The following MGAT4C variants were observed in gnomAD, a reference collection of about 807,000 sequenced individuals.
The protein encoded by MGAT4C is MGAT4 family member C.
A neutral mutation model predicts 40.1 loss-of-function variants in MGAT4C; 19 were observed. The ratio of observed to expected loss-of-function variants is 0.47; its 90% CI spans 0.33 to 0.70. The LOEUF is 0.70. Ranked by LOEUF, MGAT4C falls within the 30% of genes least tolerant of loss-of-function variation. The pLI, the probability that MGAT4C is intolerant of heterozygous loss-of-function variation, is 0.02. For missense variants in MGAT4C, 491 were observed against 563.2 expected, an observed-to-expected ratio of 0.87 and a Z score of 1.30; for synonymous variants, 181 against 187.1, an observed-to-expected ratio of 0.97 and a Z score of 0.27.
chr12:86,186,054 C>T (rs2135884356), intron 1 of MGAT4C, among the ~76,000 whole-genome samples: 1 of 152,202 alleles, frequency 6.6e-6, no homozygotes, highest in African/African-American at 2.4e-5. Flanking sequence ...AGAATGAAAT[C>T]ATTTAGCTAT....
At chr12:86,248,794 A>T (rs1952148475) in intron 1 of MGAT4C, among the ~76,000 whole-genome samples, 1 of 152,138 alleles carries the variant, frequency 6.6e-6, no homozygotes, top group Non-Finnish European at 1.5e-5. Context: ...ATCTAAATAT[A>T]TCGGAATCTC....
At chr12:86,680,493 C>A (rs1049605729) in intron 2 of MGAT4C, among the ~76,000 whole-genome samples, 2 of 152,092 alleles carry the variant, frequency 1.3e-5, no homozygotes, top group Admixed American at 6.6e-5. Context: ...TCCTACAGAG[C>A]TAAGCTTCAG....
chr12:86,700,091 TGATA>T (rs371090537), intron 2 of MGAT4C, among the ~76,000 whole-genome samples: 6,063 of 144,336 alleles, frequency 0.042, 168 homozygotes, highest in Non-Finnish European at 0.051. Flanking sequence ...TGTAGATAGA[TGATA>T]GATAGATAGA....
At chr12:86,480,339 T>A (rs1957911163) in intron 2 of MGAT4C, among the ~76,000 whole-genome samples, 1 of 151,726 alleles carries the variant, frequency 6.6e-6, no homozygotes, top group Non-Finnish European at 1.5e-5. Context: ...AAACACAGCC[T>A]GACAACTCAA....
intron 1 of MGAT4C, among the ~76,000 whole-genome samples, chr12:86,750,699 T>G (rs569745688): frequency 6.6e-6 from 1 of 152,100 alleles, no homozygotes; most frequent in Middle Eastern, 3.4e-3. Flanking sequence ...TATAGGTAAC[T>G]TGACCTCAAT....
intron 4 of MGAT4C, among the ~76,000 whole-genome samples, chr12:86,327,176 G>A (rs868634090): frequency 1.3e-4 from 20 of 152,036 alleles, no homozygotes; most frequent in African/African-American, 4.6e-4. Flanking sequence ...TTGTTTCCCA[G>A]GAACTGCCCT....
At chr12:86,251,425 G>T (rs955801266) in intron 1 of MGAT4C, among the ~76,000 whole-genome samples, 2 of 151,788 alleles carry the variant, frequency 1.3e-5, no homozygotes, top group South Asian at 2.1e-4. Flanking sequence ...CAATTTGCAC[G>T]CACTTATTGC....
At chr12:86,191,751 GGTGTGTGTGTGT>G (rs570173863) in intron 1 of MGAT4C, among the ~76,000 whole-genome samples, 18 of 98,570 alleles carry the variant, frequency 1.8e-4, no homozygotes, top group Admixed American at 1.2e-3. Context: ...AGGAGATAAA[GGTGTGTGTGTGT>G]GTGTGTGTGT....
At chr12:86,801,670 C>G (rs1401662493) in intron 1 of MGAT4C, among the ~76,000 whole-genome samples, 1 of 151,710 alleles carries the variant, frequency 6.6e-6, no homozygotes, top group Non-Finnish European at 1.5e-5. Flanking sequence ...TGGAATGAGT[C>G]ATTCTTTTCC....
At position 86,102,762 on chromosome 12, in the gene MGAT4C, A is replaced by T. The variant is rs866982792; in HGVS notation, c.-56-53039T>A. On this transcript the variant is annotated intron_variant, in intron 1 of 4. Coordinates refer to ENST00000611864, the MANE Select transcript of MGAT4C (RefSeq NM_001351288.2). ...CACTAATCAATCTTTACAAAACAGT[A>T]TTTTTTATGTTGAAGACTGCATTAC... Among the ~76,000 whole-genome samples, 10 of 152,262 alleles carry T rather than the reference A, an allele frequency of 6.6e-5. No homozygotes were observed. In the East Asian group the frequency reaches 1.7e-3, roughly 26 times the overall value.
chr12:86,167,707 T>A (rs1886340003), intron 1 of MGAT4C, among the ~76,000 whole-genome samples: 1 of 152,168 alleles, frequency 6.6e-6, no homozygotes, highest in Admixed American at 6.5e-5. Flanking sequence ...GATAACAATA[T>A]TAATCGATTC....
At chr12:86,347,464 G>T (rs778636658) in intron 3 of MGAT4C, among the ~76,000 whole-genome samples, 24 of 152,126 alleles carry the variant, frequency 1.6e-4, no homozygotes, top group Non-Finnish European at 2.9e-4. Flanking sequence ...ATTCCTTTCA[G>T]TTCTATGCTT....
At chr12:86,320,550 C>T (rs1954358420) in intron 4 of MGAT4C, among the ~76,000 whole-genome samples, 1 of 152,134 alleles carries the variant, frequency 6.6e-6, no homozygotes, top group African/African-American at 2.4e-5. Context: ...GCTTTTCAAA[C>T]AGTATCTCAT....
In MGAT4C at chr12:86,814,310, A is replaced by ATGAAAGGCATGTTCT. The variant is rs1566009078; in HGVS notation, c.-262+24355_-262+24356insAGAACATGCCTTTCA. Reference sequence around the variant, plus strand: ...CATATATATACATATACGTATATATATACGTATATATACATATACGTATAT... The same window carrying ATGAAAGGCATGTTCT: ...CATATATATACATATACGTATATATATGAAAGGCATGTTCTTACGTATATATACATATACGTATAT... On this transcript the variant is annotated intron_variant, in intron 1 of 7. Coordinates refer to the MGAT4C transcript ENST00000548651. Among the ~76,000 whole-genome samples, 10 of 4,734 alleles carry ATGAAAGGCATGTTCT rather than the reference A, an allele frequency of 2.1e-3. 1 individual carries two copies. Among genetic ancestry groups the ATGAAAGGCATGTTCT allele is most frequent in the Admixed American group, 0.013 (3 of 232 alleles). The allele number at this position is 4,734 out of a possible 152,430, so 3.1% of individuals were successfully genotyped here.
At chr12:86,752,421 T>C (rs894691797) in intron 1 of MGAT4C, among the ~76,000 whole-genome samples, 6 of 152,206 alleles carry the variant, frequency 3.9e-5, no homozygotes, top group African/African-American at 1.4e-4. Context: ...TCTAGTGTTA[T>C]CTAGAATAGT....
chr12:86,719,491 G>A (rs1466388293), intron 2 of MGAT4C, among the ~76,000 whole-genome samples: 1 of 152,164 alleles, frequency 6.6e-6, no homozygotes, highest in Non-Finnish European at 1.5e-5. Flanking sequence ...GAGGCAATCA[G>A]AGTCACTGAT....
Position 86,274,200 on chromosome 12 carries a change from C to T in MGAT4C, c.-57+59865G>A, listed in dbSNP as rs532216999. Reference sequence around the variant, plus strand: ...CTCATTATCAGGAGAACAGCACCAACCGGATGGTGCTAAACTATTAATGAG... The same window carrying T: ...CTCATTATCAGGAGAACAGCACCAATCGGATGGTGCTAAACTATTAATGAG... On this transcript the variant is annotated intron_variant, in intron 4 of 7. Coordinates refer to the MGAT4C transcript ENST00000548651. 4.6e-5 allele frequency among the ~76,000 whole-genome samples: 7 copies of T among 152,230 alleles called. No individual in the cohort carries two copies. The South Asian group carries it at 1.5e-3, about 32-fold the overall frequency.
At chr12:86,660,108 G>C (rs758424593) in intron 2 of MGAT4C, among the ~76,000 whole-genome samples, 1 of 152,054 alleles carries the variant, frequency 6.6e-6, no homozygotes, top group Non-Finnish European at 1.5e-5. Context: ...TATGAAGTTG[G>C]AGCCTAAAAG....
At chr12:86,236,262 G>T (rs1468548461) in intron 1 of MGAT4C, among the ~76,000 whole-genome samples, 1 of 152,038 alleles carries the variant, frequency 6.6e-6, no homozygotes, top group African/African-American at 2.4e-5. Context: ...CAGAGGCCTG[G>T]ATTCTTTTCA....
Sources: gnomAD v4.1 joint callset for allele counts (sites outside exome capture counted in the v4.1 genomes callset) on GRCh38, gnomAD v4.1.1 for gene constraint, MANE v1.5 for transcripts, NCBI Gene and HGNC (gene_info 2026-07-23, HGNC 2026-07-21) for gene names.